The following FHIT variants were observed in gnomAD, a reference collection of about 807,000 sequenced individuals.
FHIT encodes the protein bis(5'-adenosyl)-triphosphatase.
FHIT carries 19 observed loss-of-function variants against 17.9 expected under a neutral mutation model. That is an observed-to-expected ratio of 1.06 (90% CI 0.74 to 1.56). The LOEUF is 1.56. FHIT is among the 40% of genes most tolerant of loss of function. FHIT has a pLI of 0.00. For missense variants in FHIT, 248 were observed against 189.2 expected, an observed-to-expected ratio of 1.31 and a Z score of -1.82; for synonymous variants, 81 against 69.7, an observed-to-expected ratio of 1.16 and a Z score of -0.81.
At chr3:60,334,321 C>A (rs1710131179) in intron 5 of FHIT, among the ~76,000 whole-genome samples, 1 of 152,150 alleles carries the variant, frequency 6.6e-6, no homozygotes, top group Non-Finnish European at 1.5e-5. Context: ...GGTTGTATTA[C>A]TTATACTCAA....
intron 5 of FHIT, among the ~76,000 whole-genome samples, chr3:60,123,503 AAGGAG>A (rs1203621832): frequency 2.6e-5 from 4 of 152,194 alleles, no homozygotes; most frequent in African/African-American, 9.7e-5. Context: ...GCTGTTCCTT[AAGGAG>A]AAAAAAAGCA....
At chr3:60,770,278 A>G (rs1699997468) in intron 4 of FHIT, among the ~76,000 whole-genome samples, 2 of 152,150 alleles carry the variant, frequency 1.3e-5, no homozygotes, top group African/African-American at 4.8e-5. Context: ...ATGGAGAAAA[A>G]AAAAAAGGAG....
intron 4 of FHIT, among the ~76,000 whole-genome samples, chr3:60,711,280 C>T (rs1009289250): frequency 2.0e-5 from 3 of 152,082 alleles, no homozygotes; most frequent in Non-Finnish European, 2.9e-5. Context: ...CTGTACATCA[C>T]CATCATCAAA....
chr3:60,870,307 G>C (rs1704354813), intron 3 of FHIT, among the ~76,000 whole-genome samples: 1 of 152,042 alleles, frequency 6.6e-6, no homozygotes, highest in South Asian at 2.1e-4. Context: ...AACTGATAGA[G>C]AATATTAACA....
intron 4 of FHIT, among the ~76,000 whole-genome samples, chr3:60,569,734 T>TATATATATATACAC (rs1553654730): frequency 2.3e-5 from 1 of 44,110 alleles, no homozygotes; most frequent in Non-Finnish European, 4.1e-5. Context: ...ACTATATATA[T>TATATATATATACAC]ATATATATAT....
chr3:60,375,427 T>C (rs75455600), intron 5 of FHIT, among the ~76,000 whole-genome samples: 1 of 144,914 alleles, frequency 6.9e-6, no homozygotes, highest in African/African-American at 2.6e-5. Context: ...AAAAAAAAAT[T>C]AGCCAGATGT....
intron 4 of FHIT, among the ~76,000 whole-genome samples, chr3:60,721,359 T>C (rs539086318): frequency 2.0e-5 from 3 of 152,282 alleles, no homozygotes; most frequent in South Asian, 4.1e-4. Context: ...CTTTTCAAAA[T>C]GTGATATTGC....
At chr3:60,773,351 A>G (rs547368516) in intron 4 of FHIT, among the ~76,000 whole-genome samples, 2 of 149,258 alleles carry the variant, frequency 1.3e-5, no homozygotes, top group South Asian at 2.1e-4. Context: ...AAGCCCAAAC[A>G]TCTCCCTAGA....
At chr3:60,247,757 G>A (rs777877447) in intron 5 of FHIT, among the ~76,000 whole-genome samples, 61 of 152,164 alleles carry the variant, frequency 4.0e-4, no homozygotes, top group South Asian at 2.1e-4. Context: ...AACATCTTAT[G>A]CCTCAGTTTC....
At chr3:60,754,692 G>A (rs1459777866) in intron 4 of FHIT, among the ~76,000 whole-genome samples, 1 of 152,084 alleles carries the variant, frequency 6.6e-6, no homozygotes, top group African/African-American at 2.4e-5. Context: ...ATACTCAGTG[G>A]TAATGTCAGC....
chr3:60,574,988 T>C (rs2037517518), intron 4 of FHIT, among the ~76,000 whole-genome samples: 1 of 151,994 alleles, frequency 6.6e-6, no homozygotes, highest in Non-Finnish European at 1.5e-5. Context: ...TTTGTGCCTG[T>C]CACATCTTTA....
At chr3:60,340,600 T>A (rs1286718525) in intron 5 of FHIT, among the ~76,000 whole-genome samples, 1 of 152,214 alleles carries the variant, frequency 6.6e-6, no homozygotes. Context: ...TTAAGCAACA[T>A]GTCAGAATAT....
intron 2 of FHIT, among the ~76,000 whole-genome samples, chr3:61,126,195 AGC>A (rs2036601017): frequency 6.6e-6 from 1 of 152,134 alleles, no homozygotes; most frequent in Non-Finnish European, 1.5e-5. Context: ...CATCTACTTG[AGC>A]CAGACACCAT....
At chr3:61,196,353 C>G (rs1042345833) in intron 2 of FHIT, among the ~76,000 whole-genome samples, 4 of 151,976 alleles carry the variant, frequency 2.6e-5, no homozygotes, top group Non-Finnish European at 4.4e-5. Flanking sequence ...ATTTGTAATG[C>G]ATATAAGTAC....
chr3:60,368,594 A>G (rs114041068), intron 5 of FHIT, among the ~76,000 whole-genome samples: 2,470 of 152,214 alleles, frequency 0.016, 68 homozygotes, highest in African/African-American at 0.056. Context: ...TATATATTTC[A>G]AGTATTTTCC....
chr3:60,237,881 A>G (rs941337323), intron 5 of FHIT, among the ~76,000 whole-genome samples: 2 of 152,088 alleles, frequency 1.3e-5, no homozygotes, highest in African/African-American at 4.8e-5. Flanking sequence ...TATGCCTATA[A>G]TCCCAGTACT....
At chr3:61,022,971 T>C (rs1026546877) in intron 3 of FHIT, among the ~76,000 whole-genome samples, 4 of 152,156 alleles carry the variant, frequency 2.6e-5, no homozygotes, top group South Asian at 4.1e-4. Flanking sequence ...CTATTCAACA[T>C]AGTGTTGGAA....
At chr3:60,225,280 T>G (rs1704145001) in intron 5 of FHIT, among the ~76,000 whole-genome samples, 2 of 152,194 alleles carry the variant, frequency 1.3e-5, no homozygotes, top group South Asian at 4.1e-4. Context: ...AACTACATGC[T>G]GACCAACTGA....
intron 5 of FHIT, among the ~76,000 whole-genome samples, chr3:60,160,162 G>C (rs1224808640): frequency 1.3e-5 from 2 of 152,072 alleles, no homozygotes; most frequent in African/African-American, 4.8e-5. Context: ...CTGTGTGTCT[G>C]TGTGTGTATG....
Sources: allele counts gnomAD v4.1 joint callset (sites outside exome capture counted in the v4.1 genomes callset), GRCh38; gene constraint gnomAD v4.1.1; transcripts MANE v1.5; gene names NCBI Gene and HGNC (gene_info 2026-07-23, HGNC 2026-07-21).